MYPN: variants seen among roughly 807,000 people sequenced by gnomAD.
MYPN encodes sarcomeric protein myopalladin, 145 kDa (MYOP).
Under a neutral mutation model 129.4 loss-of-function variants are expected in MYPN, and 63 were observed. The observed-to-expected ratio is 0.49, with a 90% CI of 0.40 to 0.60. The LOEUF (loss-of-function observed/expected upper bound fraction) is 0.60. MYPN is among the 20% of genes least tolerant of loss of function. The pLI, the probability that MYPN is intolerant of heterozygous loss-of-function variation, is 0.00. For missense variants in MYPN, 1,596 were observed against 1,635.4 expected, an observed-to-expected ratio of 0.98 and a Z score of 0.42; for synonymous variants, 629 against 600.9, an observed-to-expected ratio of 1.05 and a Z score of -0.68.
chr10:68,165,433 C>T (rs530521047), intron 8 of MYPN: 24 of 503,946 alleles, frequency 4.8e-5, no homozygotes, highest in South Asian at 2.5e-4. Flanking sequence ...GCCTGGGCAA[C>T]AGAGCGAGAC....
At chr10:68,100,860 T>G (rs574116311) in intron 1 of MYPN, among the ~76,000 whole-genome samples, 24 of 152,258 alleles carry the variant, frequency 1.6e-4, no homozygotes, top group African/African-American at 5.5e-4. Flanking sequence ...CATTTTTAGC[T>G]CCTTTCTTCA....
intron 15 of MYPN, among the ~76,000 whole-genome samples, chr10:68,196,464 G>A (rs1171887529): frequency 3.4e-5 from 5 of 148,842 alleles, no homozygotes; most frequent in African/African-American, 4.9e-5. Flanking sequence ...CACCACCGTT[G>A]CAACTATACC....
intron 13 of MYPN, among the ~76,000 whole-genome samples, chr10:68,189,986 C>T (rs2043485439): frequency 6.6e-6 from 1 of 152,168 alleles, no homozygotes; most frequent in Non-Finnish European, 1.5e-5. Flanking sequence ...TACATTTCCA[C>T]CAACAGTGTA....
At chr10:68,110,789 C>T (rs1478377852) in intron 1 of MYPN, among the ~76,000 whole-genome samples, 2 of 152,142 alleles carry the variant, frequency 1.3e-5, no homozygotes, top group Non-Finnish European at 1.5e-5. Context: ...ATAAGATATA[C>T]TGTCCGACAC....
intron 6 of MYPN, among the ~76,000 whole-genome samples, chr10:68,154,375 A>AG (rs1564666862): frequency 6.6e-6 from 1 of 152,208 alleles, no homozygotes; most frequent in Non-Finnish European, 1.5e-5. Flanking sequence ...GAAGAGTGCA[A>AG]GGGGGCAGGG....
At chr10:68,171,319 C>T (rs1215619584) in intron 10 of MYPN, among the ~76,000 whole-genome samples, 1 of 152,088 alleles carries the variant, frequency 6.6e-6, no homozygotes, top group Non-Finnish European at 1.5e-5. Context: ...TGCTTTGGGG[C>T]CAAATGTTTC....
upstream of MYPN, among the ~76,000 whole-genome samples, chr10:68,101,138 C>T (rs1490863498): frequency 6.6e-6 from 1 of 152,034 alleles, no homozygotes; most frequent in Non-Finnish European, 1.5e-5. Context: ...TTTTGTATAG[C>T]TTCAATTCTC....
At chr10:68,113,311 C>T (rs1167375397) in intron 1 of MYPN, among the ~76,000 whole-genome samples, 1 of 152,154 alleles carries the variant, frequency 6.6e-6, no homozygotes, top group East Asian at 1.9e-4. Flanking sequence ...ATTTTTGGGC[C>T]TGCCTCTAAA....
intron 1 of MYPN, among the ~76,000 whole-genome samples, chr10:68,095,982 C>G (rs539138174): frequency 2.2e-4 from 34 of 152,112 alleles, no homozygotes; most frequent in Admixed American, 1.1e-3. Flanking sequence ...GATCAGATTT[C>G]AAAATAAATT....
At chr10:68,129,042 T>G (rs1212891069) in intron 2 of MYPN, among the ~76,000 whole-genome samples, 1 of 151,516 alleles carries the variant, frequency 6.6e-6, no homozygotes, top group Non-Finnish European at 1.5e-5. Context: ...TTCCAAGAGG[T>G]CAGATTCTAA....
At chr10:68,165,149 T>A (rs1343136371) in intron 8 of MYPN, among the ~76,000 whole-genome samples, 2 of 152,268 alleles carry the variant, frequency 1.3e-5, no homozygotes, top group Non-Finnish European at 2.9e-5. Flanking sequence ...AGAATCCTTA[T>A]TTTTACAAAA....
At chr10:68,157,643 G>A (rs533169295) in intron 6 of MYPN, among the ~76,000 whole-genome samples, 2 of 141,000 alleles carry the variant, frequency 1.4e-5, no homozygotes, top group East Asian at 4.1e-4. Flanking sequence ...ACATCAGATT[G>A]GGCAACATGG....
chr10:68,112,415 C>A (rs1464624652), intron 1 of MYPN, among the ~76,000 whole-genome samples: 3 of 152,162 alleles, frequency 2.0e-5, no homozygotes, highest in Non-Finnish European at 4.4e-5. Flanking sequence ...CAAACGAAAT[C>A]TTTACTTTCT....
Position 68,192,905 on chromosome 10 carries a change from T to C in MYPN, c.2926-1458T>C, listed in dbSNP as rs78225195. 7.9e-3 allele frequency among the ~76,000 whole-genome samples: 1,207 copies of C among 152,184 alleles called. 20 individuals are homozygous for C. Among genetic ancestry groups the C allele is most frequent in the African/African-American group, 0.028 (1,148 of 41,562 alleles). On this transcript the variant is annotated intron_variant, in intron 13 of 19. Coordinates refer to ENST00000358913, the MANE Select transcript of MYPN (RefSeq NM_032578.4). Reference sequence around the variant, plus strand: ...TATTTTATTTGGGTCTTCTCTCTTCTCTCTTTCTTTCTTAGTCTAGCTAAA... The same window carrying C: ...TATTTTATTTGGGTCTTCTCTCTTCCCTCTTTCTTTCTTAGTCTAGCTAAA...
intron 8 of MYPN, among the ~76,000 whole-genome samples, chr10:68,163,631 A>C (rs1392662272): frequency 6.6e-6 from 1 of 152,136 alleles, no homozygotes; most frequent in Non-Finnish European, 1.5e-5. Context: ...TCCATCTCAA[A>C]AATAAATAAA....
chr10:68,134,990 C>T (rs2042464722), intron 2 of MYPN, among the ~76,000 whole-genome samples: 1 of 151,988 alleles, frequency 6.6e-6, no homozygotes, highest in African/African-American at 2.4e-5. Context: ...CTCACTCCTT[C>T]ACCCAGGCTG....
In MYPN at chr10:68,210,768, G is replaced by A. The variant is rs1354651258; in HGVS notation, c.*313G>A. On this transcript the variant is annotated 3_prime_UTR_variant, in exon 20 of 20. Coordinates refer to ENST00000358913, the MANE Select transcript of MYPN (RefSeq NM_032578.4). The stretch of plus-strand genomic sequence containing the variant: ...CTCCCCTGCTCCCTGTTGTGTTAGG[G>A]ATGTTTAGGTCATACTAGGAGCAAT... 2.0e-6 allele frequency: 1 copy of A among 493,826 alleles called. No homozygotes were observed. The allele number at this position is 493,826 out of a possible 1,614,324, so 30.6% of individuals were successfully genotyped here.
chr10:68,158,622 A>G lies in MYPN; in HGVS notation c.1454A>G (p.Gln485Arg), dbSNP rs1446710830. 6.3e-7 allele frequency: 1 copy of G among 1,578,518 alleles called. No individual in the cohort carries two copies. Among genetic ancestry groups the G allele is most frequent in the African/African-American group, 1.4e-5 (1 of 73,984 alleles). ...GATTCTCCAGATTTTAGGATTTTAC[A>G]GAAAAGTAAGTTAATACTTTAAATT... The part of the protein sequence containing the change: ...IEDSPDFRIL[Q>R]KKPRSMAEPE... The change falls in exon 7 of 20, where the codon CAG becomes CGG. Residue 485 changes from glutamine (Q) to arginine (R), a missense_variant. Transcript: ENST00000358913.
intron 1 of MYPN, among the ~76,000 whole-genome samples, chr10:68,100,488 G>A (rs7086015): frequency 0.078 from 11,912 of 152,154 alleles, 1,234 homozygotes; most frequent in African/African-American, 0.24. Flanking sequence ...ACTGCCCATC[G>A]GCGATGAGGA....
Sources: allele counts gnomAD v4.1 joint callset (sites outside exome capture counted in the v4.1 genomes callset), GRCh38; gene constraint gnomAD v4.1.1; transcripts MANE v1.5; gene names NCBI Gene and HGNC (gene_info 2026-07-23, HGNC 2026-07-21).